ANK3: variants seen among roughly 807,000 people sequenced by gnomAD.
ANK3 encodes ankyrin-3.
ANK3 carries 57 observed loss-of-function variants against 370.9 expected under a neutral mutation model. The ratio of observed to expected loss-of-function variants is 0.15; its 90% CI spans 0.12 to 0.19. ANK3 has a LOEUF of 0.19. ANK3 is among the 10% of genes least tolerant of loss of function. The probability of loss-of-function intolerance (pLI) is 1.00; values close to 1 mark genes in which losing one functional copy is unlikely to be tolerated. For synonymous variants in ANK3, 1,929 were observed against 1,946.3 expected (o/e 0.99, Z 0.23); for missense variants, 4,439 against 5,302.1 (o/e 0.84, Z 5.06).
At chr10:60,598,211 C>T (rs374544347) in intron 2 of ANK3, among the ~76,000 whole-genome samples, 2 of 152,200 alleles carry the variant, frequency 1.3e-5, no homozygotes, top group African/African-American at 2.4e-5. Flanking sequence ...AGTGCAGTTA[C>T]ACCTGCCCTA....
At chr10:60,097,386 C>T (rs1337344743) in intron 28 of ANK3, among the ~76,000 whole-genome samples, 1 of 152,194 alleles carries the variant, frequency 6.6e-6, no homozygotes, top group East Asian at 1.9e-4. Context: ...GACCTGACTT[C>T]TCATTGACCC....
At chr10:60,128,108 G>A (rs1040573023) in intron 25 of ANK3, among the ~76,000 whole-genome samples, 2 of 152,174 alleles carry the variant, frequency 1.3e-5, no homozygotes, top group Non-Finnish European at 2.9e-5. Context: ...AAAGAACACT[G>A]TCTAAATATA....
At chr10:60,177,252 A>T (rs891563868) in intron 18 of ANK3, among the ~76,000 whole-genome samples, 6 of 152,120 alleles carry the variant, frequency 3.9e-5, no homozygotes, top group African/African-American at 1.4e-4. Context: ...TTTGCGCCAC[A>T]CTTTTCCTTG....
At chr10:60,685,158 G>A (rs1191014046) in intron 1 of ANK3, 9 of 605,678 alleles carry the variant, frequency 1.5e-5, no homozygotes, top group African/African-American at 1.9e-5. Context: ...CTACAGCCTG[G>A]TTTGCCTGTC....
chr10:60,464,255 A>G (rs891225294), intron 2 of ANK3, among the ~76,000 whole-genome samples: 6 of 152,184 alleles, frequency 3.9e-5, no homozygotes, highest in Non-Finnish European at 7.4e-5. Context: ...GAAAAATTAT[A>G]TGTATTAGAT....
At chr10:60,684,531 T>A in intron 1 of ANK3, 1 of 1,568,674 alleles carries the variant, frequency 6.4e-7, no homozygotes, top group South Asian at 1.1e-5. Context: ...CAGACCAGAC[T>A]TCTATCCTGT....
intron 7 of ANK3, among the ~76,000 whole-genome samples, chr10:60,245,005 TA>T (rs1177539805): frequency 6.6e-6 from 1 of 152,012 alleles, no homozygotes; most frequent in Non-Finnish European, 1.5e-5. Context: ...CCGTCTCTAC[TA>T]AAAATACAAA....
At chr10:60,325,935 G>A (rs10821725) in intron 1 of ANK3, among the ~76,000 whole-genome samples, 113,231 of 152,066 alleles carry the variant, frequency 0.74, 42,325 homozygotes, top group South Asian at 0.92. Flanking sequence ...TACACCATGG[G>A]ATACTATGCA....
At chr10:60,236,984 G>C (rs898151476) in intron 7 of ANK3, among the ~76,000 whole-genome samples, 2 of 152,210 alleles carry the variant, frequency 1.3e-5, no homozygotes, top group African/African-American at 4.8e-5. Context: ...TATAAAAACA[G>C]GCAGTGCGCT....
intron 16 of ANK3, 34 bp downstream of exon 16, chr10:60,196,107 TACCC>T (rs1458754773): frequency 1.3e-6 from 2 of 1,536,010 alleles, no homozygotes; most frequent in African/African-American, 1.4e-5. Flanking sequence ...TGATAGACCT[TACCC>T]ATCAGTCTCC....
In ANK3 at chr10:60,049,823, G is replaced by A. The variant is rs1418548965; in HGVS notation, c.13065+5835C>T. On this transcript the variant is annotated intron_variant, in intron 42 of 43. Transcript: ENST00000280772. ...GGAAATAGCCCTTATTGATTTGAGAGGTTTTGAAGTTATTGTTTTTGTTTT... is the reference window on the plus strand; with the variant it reads ...GGAAATAGCCCTTATTGATTTGAGAAGTTTTGAAGTTATTGTTTTTGTTTT... 2.6e-5 allele frequency among the ~76,000 whole-genome samples: 4 copies of A among 152,208 alleles called. No homozygotes were observed. The South Asian group carries it at 8.3e-4, about 32-fold the overall frequency.
intron 23 of ANK3, among the ~76,000 whole-genome samples, chr10:60,146,996 T>C (rs534820926): frequency 6.6e-6 from 1 of 152,338 alleles, no homozygotes; most frequent in African/African-American, 2.4e-5. Context: ...AGTTACAGAA[T>C]AGTTGATGGG....
At chr10:60,465,777 T>C (rs2064996292) in intron 2 of ANK3, among the ~76,000 whole-genome samples, 1 of 148,510 alleles carries the variant, frequency 6.7e-6, no homozygotes, top group South Asian at 2.1e-4. Context: ...TTTCTTTTTC[T>C]TTTTTTTCTT....
At chr10:60,449,109 G>A (rs539610289) in intron 2 of ANK3, among the ~76,000 whole-genome samples, 14 of 152,176 alleles carry the variant, frequency 9.2e-5, no homozygotes, top group Non-Finnish European at 1.8e-4. Context: ...GGGTCTCTCT[G>A]GACATATAAA....
chr10:60,364,703 C>A (rs7921192), intron 1 of ANK3, among the ~76,000 whole-genome samples: 1 of 151,780 alleles, frequency 6.6e-6, no homozygotes, highest in Non-Finnish European at 1.5e-5. Flanking sequence ...AAAAAATGGA[C>A]GTAATTTGTT....
chr10:60,600,640 G>A (rs1213822204), intron 2 of ANK3, among the ~76,000 whole-genome samples: 1 of 152,120 alleles, frequency 6.6e-6, no homozygotes, highest in Non-Finnish European at 1.5e-5. Flanking sequence ...AAACCATGGT[G>A]AGAACATAGC....
chr10:60,049,138 A>ATAAC (rs1297516443), intron 42 of ANK3, among the ~76,000 whole-genome samples: 1 of 152,260 alleles, frequency 6.6e-6, no homozygotes, highest in African/African-American at 2.4e-5. Flanking sequence ...AATGATGATT[A>ATAAC]TAACTATTTT....
intron 1 of ANK3, among the ~76,000 whole-genome samples, chr10:60,692,334 G>A (rs1007812537): frequency 9.2e-5 from 14 of 152,336 alleles, no homozygotes; most frequent in Middle Eastern, 3.4e-3. Flanking sequence ...AGCCCAAGGT[G>A]TTGGCCTTTC....
At chr10:60,232,747 A>T (rs2097265127) in intron 8 of ANK3, among the ~76,000 whole-genome samples, 1 of 152,186 alleles carries the variant, frequency 6.6e-6, no homozygotes, top group African/African-American at 2.4e-5. Context: ...TACAGAATAC[A>T]AACTAGACCT....
Sources: gnomAD v4.1 joint callset for allele counts (sites outside exome capture counted in the v4.1 genomes callset) on GRCh38, gnomAD v4.1.1 for gene constraint, MANE v1.5 for transcripts, NCBI Gene and HGNC (gene_info 2026-07-23, HGNC 2026-07-21) for gene names.